The following TTC27 variants were observed in gnomAD, a reference collection of about 807,000 sequenced individuals.
TTC27 encodes the protein tetratricopeptide repeat domain 27, also known as tetratricopeptide repeat protein 27.
A neutral mutation model predicts 115.9 loss-of-function variants in TTC27; 79 were observed. That is an observed-to-expected ratio of 0.68 (90% CI 0.57 to 0.82). TTC27 has a LOEUF of 0.82. TTC27 is among the 40% of genes least tolerant of loss of function. The pLI is 0.00. For synonymous variants in TTC27, 401 were observed against 356.0 expected (o/e 1.13, Z -1.42); for missense variants, 1,054 against 993.1 (o/e 1.06, Z -0.82).
chr2:32,758,537 C>A lies in TTC27; in HGVS notation c.1680+18C>A, dbSNP rs115727392. 1,277 of 1,606,690 alleles carry A rather than the reference C, an allele frequency of 7.9e-4. 3 individuals carry two copies. Among genetic ancestry groups the A allele is most frequent in the Middle Eastern group, 1.2e-3 (7 of 6,054 alleles). ...CCATGCAGGTTAGACAACTCATAAC[C>A]CCCTGCTGCTCTCAGCGCTTGTGCT... On this transcript the variant is annotated intron_variant, in intron 13 of 19. Transcript: ENST00000317907.
chr2:32,652,015 G>A (rs979071917), intron 5 of TTC27, among the ~76,000 whole-genome samples: 3 of 152,112 alleles, frequency 2.0e-5, no homozygotes, highest in Non-Finnish European at 1.5e-5. Context: ...GTATCCAAGG[G>A]GGATTGGTTC....
intron 10 of TTC27, among the ~76,000 whole-genome samples, chr2:32,723,197 C>T (rs1362796426): frequency 6.6e-6 from 1 of 152,166 alleles, no homozygotes; most frequent in East Asian, 1.9e-4. Context: ...GAGGAACAAA[C>T]TTAAGTTCTT....
At chr2:32,801,215 A>G (rs2148036299) in intron 16 of TTC27, among the ~76,000 whole-genome samples, 1 of 152,352 alleles carries the variant, frequency 6.6e-6, no homozygotes, top group African/African-American at 2.4e-5. Context: ...CTAGGGCTAC[A>G]ATAACAAATT....
chr2:32,755,521 G>A (rs112468158), intron 12 of TTC27, among the ~76,000 whole-genome samples: 5 of 152,152 alleles, frequency 3.3e-5, no homozygotes, highest in South Asian at 2.1e-4. Flanking sequence ...GCAGTGAGCC[G>A]AGATGGCAGC....
intron 12 of TTC27, among the ~76,000 whole-genome samples, chr2:32,747,552 T>G (rs531449079): frequency 6.6e-6 from 1 of 152,332 alleles, no homozygotes; most frequent in East Asian, 1.9e-4. Flanking sequence ...CAAATGTGTA[T>G]TGCTATGGTA....
Position 32,666,681 on chromosome 2 carries a change from A to T in TTC27, c.852A>T (p.Gln284His), listed in dbSNP as rs1387959005. 1.2e-6 allele frequency: 2 copies of T among 1,614,076 alleles called. No homozygotes were observed. Among genetic ancestry groups the T allele is most frequent in the Non-Finnish European group, 1.7e-6 (2 of 1,179,962 alleles). The change falls in exon 7 of 20, where the codon CAA (glutamine) becomes CAT (histidine). Residue 284 changes from glutamine to histidine, a missense_variant. Transcript: ENST00000317907. ...GGTTCCAGGAAAATTATGTGGCACA[A>T]CTGATTCTAGATGTAAGAAGGGAAG... ...RTRFQENYVAQLILDVRREGD... is the reference protein window; with the variant it reads ...RTRFQENYVAHLILDVRREGD...
At chr2:32,732,584 C>T (rs1668325696) in intron 10 of TTC27, among the ~76,000 whole-genome samples, 1 of 151,982 alleles carries the variant, frequency 6.6e-6, no homozygotes, top group Non-Finnish European at 1.5e-5. Context: ...GGACTTGCTC[C>T]CTTTTTTACT....
intron 12 of TTC27, among the ~76,000 whole-genome samples, chr2:32,746,019 T>C (rs1271454482): frequency 6.6e-6 from 1 of 152,070 alleles, no homozygotes; most frequent in African/African-American, 2.4e-5. Flanking sequence ...GAGATAGTCA[T>C]TGCCAAAAAA....
At chr2:32,737,384 A>C (rs570928498) in intron 12 of TTC27, among the ~76,000 whole-genome samples, 1 of 152,178 alleles carries the variant, frequency 6.6e-6, no homozygotes, top group Non-Finnish European at 1.5e-5. Flanking sequence ...GGGGCTCTGC[A>C]TTGTTAGTCA....
chr2:32,703,136 A>G (rs548935848), intron 10 of TTC27, among the ~76,000 whole-genome samples: 45 of 152,144 alleles, frequency 3.0e-4, no homozygotes, highest in Non-Finnish European at 5.9e-4. Flanking sequence ...AACCTCTCCA[A>G]ACCTCATTTT....
chr2:32,740,453 C>CTTTTTT (rs3834121), intron 12 of TTC27, among the ~76,000 whole-genome samples: 1 of 145,390 alleles, frequency 6.9e-6, no homozygotes, highest in Non-Finnish European at 1.5e-5. Context: ...GTTTTGGGGG[C>CTTTTTT]TTTTTTTTTT....
chr2:32,678,925 G>A lies in TTC27; in HGVS notation c.1119+3G>A, dbSNP rs1227198145. 1.2e-6 allele frequency: 2 copies of A among 1,611,846 alleles called. No individual in the cohort carries two copies. Among genetic ancestry groups the A allele is most frequent in the Admixed American group, 1.7e-5 (1 of 59,970 alleles). Reference sequence around the variant, plus strand: ...TGGAGCTTCTGGCATTTACATCAGTGAGTAATGTCTTTTTCTCTTCCATTT... The same window carrying A: ...TGGAGCTTCTGGCATTTACATCAGTAAGTAATGTCTTTTTCTCTTCCATTT... On this transcript the variant is annotated splice_donor_region_variant and intron_variant, in intron 9 of 19. Coordinates refer to ENST00000317907, the MANE Select transcript of TTC27 (RefSeq NM_017735.5).
chr2:32,767,179 C>G (rs545974288), intron 13 of TTC27, among the ~76,000 whole-genome samples: 1 of 152,002 alleles, frequency 6.6e-6, no homozygotes, highest in Non-Finnish European at 1.5e-5. Flanking sequence ...TTTTTAAAAC[C>G]GTAATACCAT....
At chr2:32,644,674 C>T (rs1397290624) in intron 4 of TTC27, among the ~76,000 whole-genome samples, 1 of 152,022 alleles carries the variant, frequency 6.6e-6, no homozygotes, top group Non-Finnish European at 1.5e-5. Flanking sequence ...AGTGATCCTC[C>T]CACCTCAGCC....
At chr2:32,733,771 CTT>C (rs3830967) in intron 10 of TTC27, 55 bp from the exon 11 acceptor site, 226,955 of 1,116,114 alleles carry the variant, frequency 0.2, 24,452 homozygotes, top group South Asian at 0.35. Context: ...ACAATAAGGA[CTT>C]ATTTATATTA....
At chr2:32,748,781 A>C (rs4952287) in intron 12 of TTC27, among the ~76,000 whole-genome samples, 4 of 150,978 alleles carry the variant, frequency 2.6e-5, no homozygotes, top group Admixed American at 2.6e-4. Context: ...TCTGCCTCCC[A>C]GGTTTCAGTG....
chr2:32,711,558 C>T lies in TTC27; in HGVS notation c.1233+8638C>T, dbSNP rs532577438. On this transcript the variant is annotated intron_variant, in intron 10 of 19. Transcript: ENST00000317907. ...TTAAAATTACATGTATATATTAAGACAGTGTTGTGTTTTTTTAATTGTTTT... is the reference window on the plus strand; with the variant it reads ...TTAAAATTACATGTATATATTAAGATAGTGTTGTGTTTTTTTAATTGTTTT... Among the ~76,000 whole-genome samples the T allele has an allele frequency of 2.6e-5, 4 of 152,300 alleles. No homozygotes were observed. In the East Asian group the frequency reaches 7.7e-4, roughly 29 times the overall value.
At chr2:32,701,391 A>T (rs1667180231) in intron 9 of TTC27, among the ~76,000 whole-genome samples, 1 of 152,240 alleles carries the variant, frequency 6.6e-6, no homozygotes, top group Non-Finnish European at 1.5e-5. Context: ...TTAAATGAGC[A>T]CAAGTTTATT....
intron 16 of TTC27, among the ~76,000 whole-genome samples, chr2:32,801,917 T>C (rs1390178597): frequency 6.6e-6 from 1 of 152,196 alleles, no homozygotes; most frequent in Non-Finnish European, 1.5e-5. Context: ...CTTAGTCATA[T>C]ACAATATTGG....
Sources: allele counts gnomAD v4.1 joint callset (sites outside exome capture counted in the v4.1 genomes callset), GRCh38; gene constraint gnomAD v4.1.1; transcripts MANE v1.5; gene names NCBI Gene and HGNC (gene_info 2026-07-23, HGNC 2026-07-21).